The following ESR1 variants were observed in gnomAD, a reference collection of about 807,000 sequenced individuals.
ESR1 encodes the protein estrogen receptor 1.
ESR1 carries 12 observed loss-of-function variants against 52.7 expected under a neutral mutation model. The ratio of observed to expected loss-of-function variants is 0.23; its 90% CI spans 0.15 to 0.37. The LOEUF (loss-of-function observed/expected upper bound fraction) is 0.37. ESR1 is among the 10% of genes least tolerant of loss of function. The pLI, the probability that ESR1 is intolerant of heterozygous loss-of-function variation, is 1.00. For missense variants in ESR1, 584 were observed against 779.7 expected, an observed-to-expected ratio of 0.75 and a Z score of 2.99; for synonymous variants, 305 against 316.8, an observed-to-expected ratio of 0.96 and a Z score of 0.39.
intron 7 of ESR1, among the ~76,000 whole-genome samples, chr6:152,097,267 T>C (rs2050690998): frequency 6.6e-6 from 1 of 152,196 alleles, no homozygotes; most frequent in Non-Finnish European, 1.5e-5. Flanking sequence ...TTAAGTAAGC[T>C]TGGCCCCAGC....
intron 4 of ESR1, among the ~76,000 whole-genome samples, chr6:151,970,761 C>T (rs1026734040): frequency 1.3e-5 from 2 of 152,186 alleles, no homozygotes; most frequent in Non-Finnish European, 2.9e-5. Context: ...AACTCCTGTT[C>T]AAGACAGTTT....
downstream of ESR1, among the ~76,000 whole-genome samples, chr6:152,106,086 C>T (rs1341877183): frequency 6.6e-6 from 1 of 152,118 alleles, no homozygotes; most frequent in Non-Finnish European, 1.5e-5. Context: ...AGCCACCGCG[C>T]CCGGCCTCAG....
At chr6:151,682,790 A>G (rs1260645880) in intron 1 of ESR1, among the ~76,000 whole-genome samples, 1 of 152,186 alleles carries the variant, frequency 6.6e-6, no homozygotes, top group East Asian at 1.9e-4. Flanking sequence ...ATGTACCTAA[A>G]TGTTTGGATA....
At chr6:152,114,818 G>A (rs1324028180) in intron 6 of ESR1, among the ~76,000 whole-genome samples, 5 of 148,150 alleles carry the variant, frequency 3.4e-5, no homozygotes, top group African/African-American at 1.2e-4. Context: ...GTGAACCCGG[G>A]AGGCGGAGCT....
At chr6:151,831,217 A>T (rs1259404292) in intron 1 of ESR1, among the ~76,000 whole-genome samples, 1 of 150,250 alleles carries the variant, frequency 6.7e-6, no homozygotes. Flanking sequence ...GTCACAGCTC[A>T]CTGCAGCCTT....
At chr6:151,755,745 C>T (rs541342178) in intron 2 of ESR1, among the ~76,000 whole-genome samples, 55 of 152,180 alleles carry the variant, frequency 3.6e-4, no homozygotes, top group African/African-American at 1.3e-3. Context: ...ATTCTCCTGT[C>T]TCAGCCTCTT....
chr6:152,012,139 C>A (rs192728091), intron 5 of ESR1, among the ~76,000 whole-genome samples: 3 of 151,612 alleles, frequency 2.0e-5, no homozygotes. Flanking sequence ...ATAATAACCT[C>A]TCTTTAATTA....
At chr6:152,067,250 G>A (rs951653548) in intron 6 of ESR1, among the ~76,000 whole-genome samples, 26 of 152,142 alleles carry the variant, frequency 1.7e-4, no homozygotes, top group African/African-American at 5.8e-4. Flanking sequence ...CTGAGAACTG[G>A]GGAAACCAAC....
chr6:151,899,721 G>A (rs1461570817), intron 3 of ESR1, among the ~76,000 whole-genome samples: 9 of 150,776 alleles, frequency 6.0e-5, no homozygotes, highest in African/African-American at 1.9e-4. Flanking sequence ...CTTCTCAGAC[G>A]GGGCGGCCCG....
chr6:151,805,084 T>C (rs1360048313), upstream of ESR1: 4 of 152,224 alleles, frequency 2.6e-5, no homozygotes, highest in East Asian at 7.7e-4. Flanking sequence ...TCAACTGAGC[T>C]ATTCATGGAA....
chr6:152,113,545 A>G (rs1009495038), intron 6 of ESR1, among the ~76,000 whole-genome samples: 3 of 152,092 alleles, frequency 2.0e-5, no homozygotes, highest in African/African-American at 7.3e-5. Flanking sequence ...CTGTACACTG[A>G]CACATTTGTG....
intron 2 of ESR1, among the ~76,000 whole-genome samples, chr6:151,873,610 A>G (rs1027270334): frequency 1.3e-5 from 2 of 152,350 alleles, no homozygotes; most frequent in East Asian, 3.9e-4. Context: ...CCCAAATGTT[A>G]CAGCTCAAAA....
intron 6 of ESR1, among the ~76,000 whole-genome samples, chr6:152,078,502 C>T (rs1585138231): frequency 6.6e-6 from 1 of 152,088 alleles, no homozygotes; most frequent in South Asian, 2.1e-4. Context: ...CTTTTGGTTG[C>T]TTCCAAGATG....
At position 152,057,694 on chromosome 6, in the gene ESR1, T is replaced by TACACACACACACAC. The variant is rs10560254; in HGVS notation, c.1236-3276_1236-3263dup. Among the ~76,000 whole-genome samples, 146 of 145,820 alleles carry TACACACACACACAC rather than the reference T, an allele frequency of 1.0e-3. 1 individual carries two copies. The highest frequency in any genetic ancestry group is 3.4e-3 in the African/African-American group (138 of 40,178). On this transcript the variant is annotated intron_variant, in intron 5 of 7. Transcript: ENST00000206249. ...TTCCCTAAAGGAACATACACATGCA[T>TACACACACACACAC]ACACACACACACACACACACACACA...
At chr6:151,681,661 A>G (rs928751682) in intron 1 of ESR1, among the ~76,000 whole-genome samples, 1 of 152,196 alleles carries the variant, frequency 6.6e-6, no homozygotes, top group Non-Finnish European at 1.5e-5. Context: ...TGAAATGAAT[A>G]TCCTCTTTGC....
chr6:151,987,602 C>T (rs1483351728), intron 4 of ESR1, among the ~76,000 whole-genome samples: 1 of 151,936 alleles, frequency 6.6e-6, no homozygotes, highest in African/African-American at 2.4e-5. Context: ...ACTCTGAGAC[C>T]TTGGTCTTTT....
intron 4 of ESR1, among the ~76,000 whole-genome samples, chr6:152,002,275 T>C (rs1429856830): frequency 6.6e-6 from 1 of 150,962 alleles, no homozygotes; most frequent in African/African-American, 2.4e-5. Flanking sequence ...TCATGGAGGG[T>C]CTTGAGCTGG....
At chr6:151,844,256 A>G (rs992967769) in intron 2 of ESR1, among the ~76,000 whole-genome samples, 2 of 152,130 alleles carry the variant, frequency 1.3e-5, no homozygotes, top group African/African-American at 4.8e-5. Flanking sequence ...GATTTAGGTT[A>G]GTATAAGCCC....
intron 2 of ESR1, among the ~76,000 whole-genome samples, chr6:151,730,742 G>A (rs1004386598): frequency 1.3e-5 from 2 of 152,100 alleles, no homozygotes; most frequent in Non-Finnish European, 2.9e-5. Context: ...TGTGCTTCCC[G>A]GGCATGCTGA....
Sources: allele counts gnomAD v4.1 joint callset (sites outside exome capture counted in the v4.1 genomes callset), GRCh38; gene constraint gnomAD v4.1.1; transcripts MANE v1.5; gene names NCBI Gene and HGNC (gene_info 2026-07-23, HGNC 2026-07-21).